Variants in TBC1D4 observed in about 807,000 individuals in gnomAD.
TBC1D4 encodes the protein TBC1 domain family member 4.
TBC1D4 carries 121 observed loss-of-function variants against 142.5 expected under a neutral mutation model. The observed-to-expected ratio is 0.85, with a 90% CI of 0.73 to 0.99. The LOEUF (loss-of-function observed/expected upper bound fraction) is 0.99. Ranked by LOEUF, TBC1D4 falls within the 50% of genes least tolerant of loss-of-function variation. TBC1D4 has a pLI of 0.00. For synonymous variants in TBC1D4, 630 were observed against 628.2 expected, an observed-to-expected ratio of 1.00 and a Z score of -0.04; for missense variants, 1,475 against 1,606.6, an observed-to-expected ratio of 0.92 and a Z score of 1.40.
intron 1 of TBC1D4, among the ~76,000 whole-genome samples, chr13:75,432,808 C>A (rs1196655667): frequency 6.6e-6 from 1 of 151,868 alleles, no homozygotes; most frequent in Admixed American, 6.6e-5. Flanking sequence ...AGACATGCAG[C>A]CAGCAAGAAG....
rs576545683 is a variant in TBC1D4 at position 75,464,951 on chromosome 13, A to G, written c.498+16319T>C. ...TCATAACATTACCTTCTTTTCCTTC[A>G]TAGCCTTCATCACAATTTGAAATTG... On this transcript the variant is annotated intron_variant, in intron 1 of 20. Transcript: ENST00000377636. 5.3e-5 allele frequency among the ~76,000 whole-genome samples: 8 copies of G among 152,326 alleles called. No homozygotes were observed. The South Asian group carries it at 1.4e-3, about 28-fold the overall frequency.
At chr13:75,476,120 A>C (rs9543942) in intron 1 of TBC1D4, among the ~76,000 whole-genome samples, 1 of 151,864 alleles carries the variant, frequency 6.6e-6, no homozygotes, top group Non-Finnish European at 1.5e-5. Context: ...GTGCACTCCT[A>C]TAATCCCAGC....
intron 1 of TBC1D4, among the ~76,000 whole-genome samples, chr13:75,454,978 A>G (rs532149558): frequency 3.3e-5 from 5 of 152,214 alleles, no homozygotes; most frequent in Non-Finnish European, 5.9e-5. Context: ...GTAAACATGA[A>G]TATATAAATG....
chr13:75,383,209 G>C (rs933612334), intron 1 of TBC1D4, among the ~76,000 whole-genome samples: 6 of 152,132 alleles, frequency 3.9e-5, no homozygotes, highest in Non-Finnish European at 8.8e-5. Context: ...TGTAGTCCCA[G>C]CTACTCGGGA....
At chr13:75,440,417 T>G (rs1033721635) in intron 1 of TBC1D4, among the ~76,000 whole-genome samples, 1 of 151,960 alleles carries the variant, frequency 6.6e-6, no homozygotes, top group Non-Finnish European at 1.5e-5. Context: ...ATTGACACAG[T>G]TAAATTTTAG....
intron 4 of TBC1D4, among the ~76,000 whole-genome samples, chr13:75,353,171 T>C (rs1342466220): frequency 6.6e-6 from 1 of 152,140 alleles, no homozygotes; most frequent in Non-Finnish European, 1.5e-5. Flanking sequence ...TCATGCTAGG[T>C]GGAAAAATGC....
chr13:75,374,460 T>G lies in TBC1D4; in HGVS notation c.499-11853A>C, dbSNP rs188815376. ...ACCTTAGAATTTCAAGTAGAATTTG[T>G]GACACTAAAGTATTTTTCAGGGCAT... On this transcript the variant is annotated intron_variant, in intron 1 of 20. Transcript: ENST00000377636. 6.7e-4 allele frequency among the ~76,000 whole-genome samples: 102 copies of G among 152,286 alleles called. 2 individuals carry two copies. The highest frequency in any genetic ancestry group is 6.6e-3 in the Admixed American group (101 of 15,296).
intron 1 of TBC1D4, among the ~76,000 whole-genome samples, chr13:75,435,605 T>A (rs1886767841): frequency 6.6e-6 from 1 of 152,170 alleles, no homozygotes; most frequent in African/African-American, 2.4e-5. Flanking sequence ...ATTTCATATA[T>A]CTGTCCACTG....
intron 4 of TBC1D4, among the ~76,000 whole-genome samples, chr13:75,353,852 C>A (rs1566415679): frequency 1.3e-5 from 2 of 152,180 alleles, no homozygotes; most frequent in South Asian, 4.1e-4. Flanking sequence ...TCCTTCCCAG[C>A]CGGACAGTAT....
At chr13:75,451,248 A>G (rs1404128850) in intron 1 of TBC1D4, among the ~76,000 whole-genome samples, 1 of 152,150 alleles carries the variant, frequency 6.6e-6, no homozygotes, top group African/African-American at 2.4e-5. Flanking sequence ...TTAGAGCGAA[A>G]AAAAGTGCCT....
chr13:75,337,117 C>A, intron 7 of TBC1D4, 77 bp from the exon 8 acceptor site: 1 of 1,383,654 alleles, frequency 7.2e-7, no homozygotes, highest in Non-Finnish European at 1.0e-6. Flanking sequence ...AGGCTTAAGA[C>A]TAAGCTATTA....
intron 4 of TBC1D4, among the ~76,000 whole-genome samples, chr13:75,355,743 A>G (rs757380528): frequency 1.3e-5 from 2 of 152,186 alleles, no homozygotes; most frequent in Non-Finnish European, 2.9e-5. Context: ...AAAGAAGAAA[A>G]CCAAAATAGC....
chr13:75,378,507 T>C (rs1238836300), intron 1 of TBC1D4, among the ~76,000 whole-genome samples: 3 of 152,120 alleles, frequency 2.0e-5, no homozygotes, highest in Non-Finnish European at 2.9e-5. Context: ...GGCATGACAA[T>C]AGAATTTTCT....
intron 1 of TBC1D4, among the ~76,000 whole-genome samples, chr13:75,402,183 T>C (rs1264318325): frequency 1.3e-5 from 2 of 152,196 alleles, no homozygotes; most frequent in Non-Finnish European, 2.9e-5. Flanking sequence ...GGTTAAATCA[T>C]TTTACTGCCA....
intron 10 of TBC1D4, among the ~76,000 whole-genome samples, chr13:75,325,151 C>T (rs1879118290): frequency 6.6e-6 from 1 of 151,908 alleles, no homozygotes; most frequent in African/African-American, 2.4e-5. Context: ...AGTTCTATTG[C>T]CTTGAGTAAA....
intron 1 of TBC1D4, among the ~76,000 whole-genome samples, chr13:75,393,417 G>C (rs1373185992): frequency 6.6e-6 from 1 of 152,126 alleles, no homozygotes; most frequent in East Asian, 1.9e-4. Flanking sequence ...GCCAGGCTCC[G>C]CTCCAAACAT....
At chr13:75,349,349 GCAACATT>G in intron 4 of TBC1D4, 47 bp from the exon 5 acceptor site, 1 of 1,610,620 alleles carries the variant, frequency 6.2e-7, no homozygotes, top group Non-Finnish European at 8.5e-7. Flanking sequence ...GGCTTACATG[GCAACATT>G]CAACATTCAA....
In TBC1D4 at chr13:75,284,370, C is replaced by G. The variant is rs524230; in HGVS notation, c.*2422G>C. ...CCCTGACTGTTTTCCTGCAACTAGA[C>G]GATCCCATCTGGGGATGATGGGAGA... On this transcript the variant is annotated 3_prime_UTR_variant, in exon 21 of 21. Coordinates refer to ENST00000377636, the MANE Select transcript of TBC1D4 (RefSeq NM_014832.5). Among the ~76,000 whole-genome samples, 22,564 of 152,134 alleles carry G rather than the reference C, an allele frequency of 0.15. 5,083 individuals are homozygous for G. Among genetic ancestry groups the G allele is most frequent in the African/African-American group, 0.49 (20,121 of 41,432 alleles).
intron 1 of TBC1D4, among the ~76,000 whole-genome samples, chr13:75,431,094 C>T (rs1886576404): frequency 6.6e-6 from 1 of 152,146 alleles, no homozygotes; most frequent in South Asian, 2.1e-4. Context: ...AATGAGGCAT[C>T]AATGGGCTTT....
Sources: gnomAD v4.1 joint callset for allele counts (sites outside exome capture counted in the v4.1 genomes callset) on GRCh38, gnomAD v4.1.1 for gene constraint, MANE v1.5 for transcripts, NCBI Gene and HGNC (gene_info 2026-07-23, HGNC 2026-07-21) for gene names.